UGT8: variants seen among roughly 807,000 people sequenced by gnomAD.
UGT8 encodes the protein UDP glycosyltransferase 8.
In UGT8, 12 loss-of-function variants were observed where a neutral mutation model predicts 40.5. The observed-to-expected ratio is 0.30, with a 90% CI of 0.19 to 0.48. The LOEUF (loss-of-function observed/expected upper bound fraction) is 0.48. Ranked by LOEUF, UGT8 falls within the 20% of genes least tolerant of loss-of-function variation. The pLI is 0.99. For synonymous variants in UGT8, 224 were observed against 240.4 expected, an observed-to-expected ratio of 0.93 and a Z score of 0.63; for missense variants, 513 against 648.7, an observed-to-expected ratio of 0.79 and a Z score of 2.27.
chr4:114,657,511 C>G (rs1318173845), intron 2 of UGT8, among the ~76,000 whole-genome samples: 1 of 152,090 alleles, frequency 6.6e-6, no homozygotes, highest in African/African-American at 2.4e-5. Flanking sequence ...TTATACCCTT[C>G]TAGATGATCT....
intron 2 of UGT8, among the ~76,000 whole-genome samples, chr4:114,653,570 TG>T (rs777979877): frequency 9.9e-5 from 15 of 152,122 alleles, no homozygotes; most frequent in Non-Finnish European, 1.8e-4. Context: ...TAGTTGCCAA[TG>T]AATTTTTGAC....
chr4:114,658,265 A>C (rs1201610037), intron 2 of UGT8, among the ~76,000 whole-genome samples: 2 of 152,188 alleles, frequency 1.3e-5, no homozygotes, highest in Admixed American at 1.3e-4. Context: ...TGGGAATAAG[A>C]AAAGGAACTC....
chr4:114,602,806 T>C (rs912158980), intron 1 of UGT8, among the ~76,000 whole-genome samples: 1 of 152,190 alleles, frequency 6.6e-6, no homozygotes, highest in Non-Finnish European at 1.5e-5. Flanking sequence ...ACATAAAAGA[T>C]GAATCACTGG....
At chr4:114,613,685 A>ACGAGTG (rs1349297622) in intron 1 of UGT8, among the ~76,000 whole-genome samples, 1 of 152,144 alleles carries the variant, frequency 6.6e-6, no homozygotes, top group Non-Finnish European at 1.5e-5. Context: ...CACATAAGTA[A>ACGAGTG]CGAGTGCTAG....
chr4:114,632,354 T>C (rs1259839094), intron 2 of UGT8, among the ~76,000 whole-genome samples: 3 of 152,208 alleles, frequency 2.0e-5, no homozygotes, highest in South Asian at 2.1e-4. Flanking sequence ...CATTTACATA[T>C]AGTATTTCAT....
rs1371445793 is a variant in UGT8 at position 114,678,039 on chromosome 4, C to T, written c.*1751C>T. Reference sequence around the variant, plus strand: ...TTTCACAATCTTATTACGATGTTGCCGTTAAAAGGGAAAAAAGACACAGGC... The same window carrying T: ...TTTCACAATCTTATTACGATGTTGCTGTTAAAAGGGAAAAAAGACACAGGC... On this transcript the variant is annotated 3_prime_UTR_variant, in exon 6 of 6. Coordinates refer to ENST00000310836, the MANE Select transcript of UGT8 (RefSeq NM_001128174.3). The T allele has an allele frequency of 6.6e-6, 1 of 151,914 alleles. No individual in the cohort carries two copies. Among genetic ancestry groups the T allele is most frequent in the African/African-American group, 2.4e-5 (1 of 41,344 alleles). The allele number at this position is 151,914 out of a possible 1,614,324, so 9.4% of individuals were successfully genotyped here.
chr4:114,672,473 A>ACCTTT (rs1735354547), intron 5 of UGT8, among the ~76,000 whole-genome samples: 1 of 152,228 alleles, frequency 6.6e-6, no homozygotes, highest in Non-Finnish European at 1.5e-5. Context: ...ATACCATGGA[A>ACCTTT]TAGTATATAG....
rs747828479 is a variant in UGT8, at chr4:114,673,525, G to A, written c.1263-2400G>A. 6.6e-5 allele frequency among the ~76,000 whole-genome samples: 10 copies of A among 152,146 alleles called. No individual in the cohort carries two copies. In the South Asian group the frequency reaches 1.7e-3, roughly 25 times the overall value. On this transcript the variant is annotated intron_variant, in intron 5 of 5. Coordinates refer to ENST00000310836, the MANE Select transcript of UGT8 (RefSeq NM_001128174.3). ...CTGATAATTAGTGATCTAGGACCAAGTAAACATATTGGAGTTCCATATGAG... is the reference window on the plus strand; with the variant it reads ...CTGATAATTAGTGATCTAGGACCAAATAAACATATTGGAGTTCCATATGAG...
intron 4 of UGT8, 76 bp from the exon 5 acceptor site, chr4:114,668,009 T>G (rs920958739): frequency 5.2e-6 from 8 of 1,553,298 alleles, no homozygotes; most frequent in African/African-American, 1.4e-5. Context: ...AGTGCCGATT[T>G]TTAATGAATT....
intron 2 of UGT8, among the ~76,000 whole-genome samples, chr4:114,630,602 G>A (rs1344595267): frequency 6.6e-6 from 1 of 151,872 alleles, no homozygotes; most frequent in South Asian, 2.1e-4. Flanking sequence ...TCTTCATTCG[G>A]GCTGTTGACA....
intron 2 of UGT8, among the ~76,000 whole-genome samples, chr4:114,624,404 A>G (rs1732055444): frequency 6.6e-6 from 1 of 152,166 alleles, no homozygotes; most frequent in Non-Finnish European, 1.5e-5. Context: ...TAGGTATCCC[A>G]CATTAGCAGA....
chr4:114,604,509 A>T, intron 1 of UGT8, among the ~76,000 whole-genome samples: 1 of 147,732 alleles, frequency 6.8e-6, no homozygotes, highest in African/African-American at 2.5e-5. Flanking sequence ...ATTTAAATAT[A>T]CCTACTTTTT....
At chr4:114,619,702 A>G (rs1731661227) in intron 1 of UGT8, among the ~76,000 whole-genome samples, 1 of 151,928 alleles carries the variant, frequency 6.6e-6, no homozygotes, top group African/African-American at 2.4e-5. Flanking sequence ...CAGTGTATTT[A>G]ACCAATCCCC....
chr4:114,599,553 C>T (rs893414584), intron 1 of UGT8, among the ~76,000 whole-genome samples: 6 of 152,342 alleles, frequency 3.9e-5, no homozygotes, highest in Admixed American at 3.3e-4. Flanking sequence ...TCGGGGCCCG[C>T]CGTTTCCGCG....
At chr4:114,600,540 G>A (rs1730382304) in intron 1 of UGT8, among the ~76,000 whole-genome samples, 1 of 151,992 alleles carries the variant, frequency 6.6e-6, no homozygotes, top group Admixed American at 6.6e-5. Flanking sequence ...TAGGTTTTGG[G>A]GTACATGTGA....
intron 1 of UGT8, among the ~76,000 whole-genome samples, chr4:114,603,358 C>T (rs904131025): frequency 6.6e-6 from 1 of 152,072 alleles, no homozygotes; most frequent in Non-Finnish European, 1.5e-5. Flanking sequence ...CACACAGAAA[C>T]ATTTAGGAGT....
chr4:114,599,122 G>C (rs1730277158), intron 1 of UGT8, 148 bp downstream of exon 1: 1 of 152,112 alleles, frequency 6.6e-6, no homozygotes, highest in Non-Finnish European at 1.5e-5. Flanking sequence ...GCACAGACAG[G>C]GTTGGGCTGA....
intron 2 of UGT8, chr4:114,656,861 T>TA: frequency 2.0e-6 from 1 of 499,534 alleles, no homozygotes; most frequent in Non-Finnish European, 4.2e-6. Context: ...TTACTGTAGG[T>TA]ACGGCCTCAT....
At chr4:114,636,317 A>G (rs1040823459) in intron 2 of UGT8, among the ~76,000 whole-genome samples, 14 of 152,232 alleles carry the variant, frequency 9.2e-5, no homozygotes, top group African/African-American at 3.4e-4. Flanking sequence ...CTCTTTAAAA[A>G]GTCAGTATTA....
Sources: gnomAD v4.1 joint callset for allele counts (sites outside exome capture counted in the v4.1 genomes callset) on GRCh38, gnomAD v4.1.1 for gene constraint, MANE v1.5 for transcripts, NCBI Gene and HGNC (gene_info 2026-07-23, HGNC 2026-07-21) for gene names.